EPHB2: variants seen among roughly 807,000 people sequenced by gnomAD.
EPHB2 encodes EPH receptor B2, also known as ephrin type-B receptor 2.
EPHB2 carries 18 observed loss-of-function variants against 96.4 expected under a neutral mutation model. That is an observed-to-expected ratio of 0.19 (90% CI 0.13 to 0.28). The LOEUF is 0.28. Among genes scored for constraint, EPHB2 ranks in the 10% least tolerant of loss-of-function variants. EPHB2 has a pLI of 1.00. For synonymous variants in EPHB2, 506 were observed against 534.1 expected (o/e 0.95, Z 0.72); for missense variants, 989 against 1,355.4 (o/e 0.73, Z 4.25).
At chr1:22,765,546 CAAA>C (rs10667863) in intron 1 of EPHB2, among the ~76,000 whole-genome samples, 1 of 115,240 alleles carries the variant, frequency 8.7e-6, no homozygotes. Context: ...GACCCTGTCG[CAAA>C]AAAAAAAAAA....
chr1:22,784,290 C>A lies in EPHB2; in HGVS notation c.127-102C>A. The A allele has an allele frequency of 9.0e-7, 1 of 1,113,678 alleles. No individual in the cohort carries two copies. The highest frequency in any genetic ancestry group is 1.3e-6 in the Non-Finnish European group (1 of 741,286). The allele number at this position is 1,113,678 out of a possible 1,614,324, so 69.0% of individuals were successfully genotyped here. ...ATTCTCTGATGTCTTCACCATTAGA[C>A]TGGAGGGTTCCCTAAGGCAGAGTCT... is the stretch of plus-strand genomic sequence containing the variant. On this transcript the variant is annotated intron_variant, in intron 2 of 15. Coordinates refer to ENST00000374630, the MANE Select transcript of EPHB2 (RefSeq NM_017449.5). The surrounding 1 kb of genome is among the most constrained non-coding windows in gnomAD (Gnocchi z 5.1).
intron 14 of EPHB2, 26 bp downstream of exon 14, chr1:22,910,601 C>T (rs772486506): frequency 5.0e-6 from 8 of 1,612,622 alleles, no homozygotes; most frequent in Non-Finnish European, 5.9e-6. Context: ...GGCCCTGCCC[C>T]AGCCAGGCCC....
chr1:22,837,047 G>A (rs1557704163), intron 3 of EPHB2, among the ~76,000 whole-genome samples: 2 of 152,356 alleles, frequency 1.3e-5, no homozygotes, highest in East Asian at 3.9e-4. Flanking sequence ...TACACGGCGG[G>A]GGAGGGGGGC....
chr1:22,848,658 G>A (rs6667289), intron 3 of EPHB2, among the ~76,000 whole-genome samples: 3 of 152,178 alleles, frequency 2.0e-5, no homozygotes, highest in South Asian at 2.1e-4. Context: ...GGAAGGTGAC[G>A]GGTTCTGTAC....
intron 14 of EPHB2, among the ~76,000 whole-genome samples, chr1:22,911,159 T>TAAATAA (rs1387650903): frequency 1.3e-5 from 2 of 150,920 alleles, no homozygotes; most frequent in African/African-American, 2.4e-5. Context: ...AATAAATAAA[T>TAAATAA]AAATAAATAA....
At chr1:22,754,812 A>T in intron 1 of EPHB2, among the ~76,000 whole-genome samples, 1 of 2,788 alleles carries the variant, frequency 3.6e-4, no homozygotes, top group African/African-American at 6.8e-4. Context: ...GGTGAGAGGC[A>T]GGGGAAGGGA....
In EPHB2 at chr1:22,790,423, G is replaced by T. The variant is rs1309405933; in HGVS notation, c.811+5347G>T. On this transcript the variant is annotated intron_variant, in intron 3 of 15. Coordinates refer to ENST00000374630, the MANE Select transcript of EPHB2 (RefSeq NM_017449.5). This position sits in a 1 kb window ranked among gnomAD's most constrained non-coding sequence, Gnocchi z 4.0. ...CAGTCCCCGCTGGGGCTTCCTGCCA[G>T]CAGGTCTGCTGGGAGTGGCAGAAGG... 6.6e-6 allele frequency among the ~76,000 whole-genome samples: 1 copy of T among 152,164 alleles called. No individual in the cohort carries two copies. Among genetic ancestry groups the T allele is most frequent in the Non-Finnish European group, 1.5e-5 (1 of 68,032 alleles).
At chr1:22,770,339 C>G (rs1644360997) in intron 1 of EPHB2, among the ~76,000 whole-genome samples, 6 of 152,106 alleles carry the variant, frequency 3.9e-5, no homozygotes, top group Admixed American at 3.9e-4. Flanking sequence ...AGCTAAATGC[C>G]TGACACCCTG....
At chr1:22,807,269 A>G (rs1644940199) in intron 3 of EPHB2, among the ~76,000 whole-genome samples, 1 of 152,190 alleles carries the variant, frequency 6.6e-6, no homozygotes, top group South Asian at 2.1e-4. Context: ...TACCTTAGGA[A>G]GGAAGGAAAA....
At chr1:22,882,996 A>G (rs1639101036) in intron 6 of EPHB2, among the ~76,000 whole-genome samples, 1 of 152,218 alleles carries the variant, frequency 6.6e-6, no homozygotes, top group Admixed American at 6.5e-5. Flanking sequence ...CTTTTAAATC[A>G]GACCTTAATT....
At chr1:22,839,134 T>C (rs553799656) in intron 3 of EPHB2, among the ~76,000 whole-genome samples, 1 of 152,304 alleles carries the variant, frequency 6.6e-6, no homozygotes, top group East Asian at 1.9e-4. Flanking sequence ...ACTTCTCTGC[T>C]GAATCCGAGG....
intron 3 of EPHB2, among the ~76,000 whole-genome samples, chr1:22,816,979 G>T (rs1385976948): frequency 6.6e-6 from 1 of 152,204 alleles, no homozygotes; most frequent in Non-Finnish European, 1.5e-5. Context: ...GCTGCAAGCA[G>T]GCAGGCTGGC....
At chr1:22,756,805 A>C (rs901509373) in intron 1 of EPHB2, among the ~76,000 whole-genome samples, 2 of 151,830 alleles carry the variant, frequency 1.3e-5, no homozygotes, top group Non-Finnish European at 2.9e-5. Flanking sequence ...AACCTTAGAT[A>C]TGAGGAGGCT....
At chr1:22,713,795 C>T (rs375027839) in intron 1 of EPHB2, among the ~76,000 whole-genome samples, 173 of 152,354 alleles carry the variant, frequency 1.1e-3, no homozygotes, top group African/African-American at 4.0e-3. Flanking sequence ...CAGGAAATCC[C>T]CAGCTCCAGC....
intron 1 of EPHB2, among the ~76,000 whole-genome samples, chr1:22,735,355 C>T (rs1202297837): frequency 6.6e-6 from 1 of 151,560 alleles, no homozygotes; most frequent in Non-Finnish European, 1.5e-5. Context: ...GGGAGGATCG[C>T]TTGAGCCCAG....
Position 22,906,249 on chromosome 1 carries a change from AC to A in EPHB2, c.1888+142del. On this transcript the variant is annotated intron_variant, in intron 10 of 15. Coordinates refer to ENST00000374630, the MANE Select transcript of EPHB2 (RefSeq NM_017449.5). This position sits in a 1 kb window ranked among gnomAD's most constrained non-coding sequence, Gnocchi z 4.8. ...CCCCAAGGCCTGAAGGTTCAGAATGACCATGAAAGAAGGGCCCTCAAAGGTC... is the reference window on the plus strand; with the variant it reads ...CCCCAAGGCCTGAAGGTTCAGAATGACATGAAAGAAGGGCCCTCAAAGGTC... The A allele has an allele frequency of 7.4e-7, 1 of 1,359,448 alleles. No individual in the cohort carries two copies. The highest frequency in any genetic ancestry group is 1.0e-6 in the Non-Finnish European group (1 of 985,188). The allele number at this position is 1,359,448 out of a possible 1,614,324, so 84.2% of individuals were successfully genotyped here.
intron 6 of EPHB2, among the ~76,000 whole-genome samples, chr1:22,886,519 G>A (rs539869061): frequency 6.6e-6 from 1 of 152,250 alleles, no homozygotes; most frequent in African/African-American, 2.4e-5. Flanking sequence ...GAGACACAGG[G>A]AGCGCCTGTA....
In EPHB2 at chr1:22,895,586, T is replaced by A. The variant is rs749768443; in HGVS notation, c.1700+6T>A. On this transcript the variant is annotated splice_donor_region_variant and intron_variant, in intron 8 of 15. Transcript: ENST00000374630. ...ATCGCCATCGTGTGTAACAGGTGGG[T>A]GGGGTCTCCAGGCTTGGCCAGGCCT... The A allele has an allele frequency of 1.9e-6, 3 of 1,614,098 alleles. No homozygotes were observed. The South Asian group carries it at 3.3e-5, about 18-fold the overall frequency.
chr1:22,784,991 C>A lies in EPHB2; in HGVS notation c.726C>A (p.Asn242Lys), dbSNP rs768617454. The stretch of plus-strand genomic sequence containing the variant: ...ATGTACCCATCAAGCTCTACTGTAA[C>A]GGGGACGGCGAGTGGCTGGTGCCCA... ...EVDVPIKLYC[N>K]GDGEWLVPIG... The change falls in exon 3 of 16, where the codon AAC becomes AAA. Residue 242 changes from asparagine (N) to lysine (K), a missense_variant. Physicochemically the swap from Asn to Lys is moderately conservative, Grantham distance 94. Coordinates refer to ENST00000374630, the MANE Select transcript of EPHB2 (RefSeq NM_017449.5). This position sits in a 1 kb window ranked among gnomAD's most constrained non-coding sequence, Gnocchi z 5.1. 1.9e-6 allele frequency: 3 copies of A among 1,614,044 alleles called. No homozygotes were observed. Among genetic ancestry groups the A allele is most frequent in the Middle Eastern group, 3.3e-4 (2 of 6,062 alleles).
Sources: gnomAD v4.1 joint callset for allele counts (sites outside exome capture counted in the v4.1 genomes callset) on GRCh38, gnomAD v4.1.1 for gene constraint, Gnocchi (gnomAD v3.1) non-coding constraint, MANE v1.5 for transcripts, NCBI Gene and HGNC (gene_info 2026-07-23, HGNC 2026-07-21) for gene names.